Variants in CUX1 observed in about 807,000 individuals in gnomAD.
The protein encoded by CUX1 is cut like homeobox 1.
In CUX1, 31 loss-of-function variants were observed where a neutral mutation model predicts 158.8. That is an observed-to-expected ratio of 0.20 (90% confidence interval 0.15 to 0.26). The LOEUF (loss-of-function observed/expected upper bound fraction) is 0.26, where lower values mean the gene tolerates loss of function less well. CUX1 is among the 10% of genes least tolerant of loss of function. The pLI, the probability that CUX1 is intolerant of heterozygous loss-of-function variation, is 1.00. For synonymous variants in CUX1, 879 were observed against 862.1 expected (o/e 1.02, Z -0.34); for missense variants, 1,589 against 2,014.6 (o/e 0.79, Z 4.04).
chr7:101,890,853 A>G (rs1357012605), intron 1 of CUX1, among the ~76,000 whole-genome samples: 3 of 152,122 alleles, frequency 2.0e-5, no homozygotes, highest in Non-Finnish European at 4.4e-5. Flanking sequence ...TTACACACTC[A>G]TATGAGACCT....
intron 2 of CUX1, among the ~76,000 whole-genome samples, chr7:102,022,736 T>G (rs918413749): frequency 6.6e-6 from 1 of 152,274 alleles, no homozygotes; most frequent in Admixed American, 6.5e-5. Context: ...TGAGCTATTT[T>G]GGCTTTTGCC....
chr7:102,040,546 C>CACCG (rs1188035865), intron 3 of CUX1, among the ~76,000 whole-genome samples: 1 of 152,180 alleles, frequency 6.6e-6, no homozygotes, highest in Admixed American at 6.6e-5. Flanking sequence ...TCCCCATGGG[C>CACCG]ACCGGCAGGA....
At chr7:102,012,371 A>G (rs1049517413) in intron 2 of CUX1, among the ~76,000 whole-genome samples, 2 of 152,066 alleles carry the variant, frequency 1.3e-5, no homozygotes, top group Admixed American at 6.6e-5. Flanking sequence ...TATTTTTAGT[A>G]GAAACGGGGT....
rs1217106662 is a variant in CUX1, at chr7:102,253,902, CTCT to C, written c.*4866_*4868del. On this transcript the variant is annotated 3_prime_UTR_variant, in exon 24 of 24. Transcript: ENST00000292535. Reference sequence around the variant, plus strand: ...CCCTGTCCCTCCCCAGATGTCCTCCCTCTTCTTCACACTCCTCATTGTCCCTTC... The same window carrying C: ...CCCTGTCCCTCCCCAGATGTCCTCCCTCTTCACACTCCTCATTGTCCCTTC... 2.6e-5 allele frequency: 26 copies of C among 985,592 alleles called. No individual in the cohort carries two copies. The Admixed American group carries it at 1.0e-3, about 40-fold the overall frequency. The allele number at this position is 985,592 out of a possible 1,614,324, so 61.1% of individuals were successfully genotyped here.
intron 3 of CUX1, among the ~76,000 whole-genome samples, chr7:102,037,908 A>C (rs1463695046): frequency 1.3e-5 from 2 of 151,732 alleles, no homozygotes; most frequent in East Asian, 3.9e-4. Context: ...TACAAAACTT[A>C]GCTGGGCATG....
intron 2 of CUX1, among the ~76,000 whole-genome samples, chr7:101,919,022 G>A (rs1448472518): frequency 5.3e-5 from 8 of 152,086 alleles, no homozygotes; most frequent in African/African-American, 1.2e-4. Context: ...CAGGTGATCC[G>A]CCCACCTCGG....
chr7:102,200,532 G>T (rs1795304726), intron 17 of CUX1, among the ~76,000 whole-genome samples: 1 of 152,006 alleles, frequency 6.6e-6, no homozygotes, highest in African/African-American at 2.4e-5. Flanking sequence ...GTAGAGACGG[G>T]GTTTTACCAT....
In CUX1 at chr7:102,104,375, A is replaced by G; in HGVS notation, c.446A>G (p.Tyr149Cys). 2 of 1,611,666 alleles carry G rather than the reference A, an allele frequency of 1.2e-6. 1 individual carries two copies. The highest frequency in any genetic ancestry group is 2.2e-5 in the South Asian group (2 of 91,062). Residue 149 changes from tyrosine to cysteine, a missense_variant, in exon 6 of 24, where the codon TAT becomes TGT. By Grantham distance (194) the Tyr-to-Cys change is radical (BLOSUM62 -2). Around this residue, in one of 8 missense-constraint regions of CUX1, gnomAD observed 515 missense variants for 574.4 expected, o/e 0.90. Transcript: ENST00000292535. ...GCACTTAAAGAGAAAATCCGAGAAT[A>G]TGAACAGACACTGAAGAACCAAGCC... ...IKALKEKIRE[Y>C]EQTLKNQAET...
At chr7:102,156,004 G>C (rs1172978896) in intron 8 of CUX1, among the ~76,000 whole-genome samples, 1 of 152,130 alleles carries the variant, frequency 6.6e-6, no homozygotes, top group Non-Finnish European at 1.5e-5. Context: ...TCTCAGACCA[G>C]TCTGAAAGCC....
chr7:101,823,537 GTGAT>G (rs1386113062), intron 1 of CUX1, among the ~76,000 whole-genome samples: 1 of 152,328 alleles, frequency 6.6e-6, no homozygotes, highest in Non-Finnish European at 1.5e-5. Flanking sequence ...TTGACCGTGT[GTGAT>G]TGATGCAGTT....
At chr7:102,137,627 T>C (rs1277270413) in intron 8 of CUX1, among the ~76,000 whole-genome samples, 4 of 151,856 alleles carry the variant, frequency 2.6e-5, no homozygotes, top group African/African-American at 9.7e-5. Context: ...GAAGAGTGAA[T>C]CTCCGTCAAA....
intron 2 of CUX1, among the ~76,000 whole-genome samples, chr7:101,964,737 T>G (rs1810946442): frequency 6.6e-6 from 1 of 152,152 alleles, no homozygotes; most frequent in East Asian, 1.9e-4. Flanking sequence ...ATATTATCGT[T>G]TCAGAGTTTC....
intron 1 of CUX1, among the ~76,000 whole-genome samples, chr7:101,855,810 G>A (rs1167019111): frequency 1.3e-5 from 2 of 150,514 alleles, no homozygotes; most frequent in African/African-American, 4.9e-5. Context: ...CCCGAGAGGC[G>A]GAGGTTGCAG....
intron 1 of CUX1, among the ~76,000 whole-genome samples, chr7:101,830,135 C>G: frequency 6.6e-6 from 1 of 152,124 alleles, no homozygotes; most frequent in East Asian, 1.9e-4. Context: ...TGTACTTAAC[C>G]CTGTGACGGT....
intron 2 of CUX1, among the ~76,000 whole-genome samples, chr7:102,004,037 A>T (rs1470491130): frequency 2.0e-5 from 3 of 152,174 alleles, no homozygotes; most frequent in Non-Finnish European, 4.4e-5. Flanking sequence ...TGAATTTCCT[A>T]AAAAATACAG....
Position 102,250,049 on chromosome 7 carries a change from AAAG to A in CUX1, c.*1010_*1012del, listed in dbSNP as rs1801327807. 1 of 977,332 alleles carries A rather than the reference AAAG, an allele frequency of 1.0e-6. No individual in the cohort carries two copies. The highest frequency in any genetic ancestry group is 1.2e-6 in the Non-Finnish European group (1 of 825,298). 60.5% of individuals were successfully genotyped at this position (977,332 alleles called of 1,614,324 possible). ...ATTCTAGGCCAAATCAGGACAAAAAAAAGAAAAAAAAAGAAAAAAAAAAAAGAA... is the reference window on the plus strand; with the variant it reads ...ATTCTAGGCCAAATCAGGACAAAAAAAAAAAAAAAGAAAAAAAAAAAAGAA... On this transcript the variant is annotated 3_prime_UTR_variant, in exon 24 of 24. Transcript: ENST00000292535.
chr7:102,018,599 C>T (rs1227525537), intron 2 of CUX1, among the ~76,000 whole-genome samples: 1 of 152,234 alleles, frequency 6.6e-6, no homozygotes, highest in South Asian at 2.1e-4. Context: ...CCTGAGGCCA[C>T]ACACAGGATC....
intron 8 of CUX1, among the ~76,000 whole-genome samples, chr7:102,122,216 G>A: frequency 6.6e-6 from 1 of 152,118 alleles, no homozygotes; most frequent in East Asian, 1.9e-4. Flanking sequence ...TTTTTGATGA[G>A]TCATCAGTTT....
At chr7:101,990,418 C>A (rs1210934057) in intron 2 of CUX1, among the ~76,000 whole-genome samples, 2 of 151,568 alleles carry the variant, frequency 1.3e-5, no homozygotes, top group Non-Finnish European at 1.5e-5. Flanking sequence ...GGAATCTCAC[C>A]CAGGCTGGAG....
Sources: allele counts gnomAD v4.1 joint callset (sites outside exome capture counted in the v4.1 genomes callset), GRCh38; gene constraint gnomAD v4.1.1; regional missense constraint gnomAD v4.1.1; transcripts MANE v1.5; gene names NCBI Gene and HGNC (gene_info 2026-07-23, HGNC 2026-07-21).